Variants in MAP4K4 observed in about 807,000 individuals in gnomAD.
MAP4K4 encodes HPK/GCK-like kinase HGK.
In MAP4K4, 38 loss-of-function variants were observed where a neutral mutation model predicts 189.6. That is an observed-to-expected ratio of 0.20 (90% confidence interval 0.15 to 0.26). The LOEUF (loss-of-function observed/expected upper bound fraction) is 0.26, where lower values mean the gene tolerates loss of function less well. MAP4K4 is among the 10% of genes least tolerant of loss of function. MAP4K4 has a pLI of 1.00. For synonymous variants in MAP4K4, 610 were observed against 624.3 expected, an observed-to-expected ratio of 0.98 and a Z score of 0.34; for missense variants, 1,054 against 1,726.9, an observed-to-expected ratio of 0.61 and a Z score of 6.91.
chr2:101,762,812 C>T (rs1003710860), intron 2 of MAP4K4, among the ~76,000 whole-genome samples: 3 of 152,156 alleles, frequency 2.0e-5, no homozygotes, highest in Non-Finnish European at 4.4e-5. Context: ...TTGGCTCTCC[C>T]TGTGTGGGTG....
At chr2:101,815,809 A>G (rs1051192933) in intron 3 of MAP4K4, among the ~76,000 whole-genome samples, 3 of 152,140 alleles carry the variant, frequency 2.0e-5, no homozygotes, top group Non-Finnish European at 4.4e-5. Flanking sequence ...AATCTAGCCA[A>G]CGGCAGGAGG....
chr2:101,870,192 T>A, intron 22 of MAP4K4, 103 bp from the exon 23 acceptor site: 1 of 1,186,148 alleles, frequency 8.4e-7, no homozygotes, highest in Non-Finnish European at 1.2e-6. Context: ...TTTATATCGG[T>A]AGCCTCATCT....
intron 2 of MAP4K4, among the ~76,000 whole-genome samples, chr2:101,751,787 G>A (rs920252658): frequency 6.6e-6 from 1 of 152,172 alleles, no homozygotes; most frequent in Non-Finnish European, 1.5e-5. Context: ...GGTAGACTGG[G>A]CATTCTATCT....
intron 2 of MAP4K4, among the ~76,000 whole-genome samples, chr2:101,744,225 C>G (rs555151467): frequency 6.6e-6 from 1 of 152,096 alleles, no homozygotes. Flanking sequence ...AAAAGAGAGG[C>G]GAAATTAATT....
chr2:101,811,386 A>AAAAAAAAAAAGG (rs1559031931), intron 3 of MAP4K4, among the ~76,000 whole-genome samples: 1 of 140,754 alleles, frequency 7.1e-6, no homozygotes, highest in African/African-American at 3.1e-5. Context: ...AAAAAAAAAA[A>AAAAAAAAAAAGG]AAAAAGAATG....
chr2:101,797,888 A>ATTTTTTTTTTTTTTTTTTTTT (rs1558971586), intron 3 of MAP4K4, among the ~76,000 whole-genome samples: 2 of 7,624 alleles, frequency 2.6e-4, no homozygotes, highest in African/African-American at 7.1e-4. Context: ...ACATTCTTTT[A>ATTTTTTTTTTTTTTTTTTTTT]GTTTTTTTTT....
chr2:101,894,286 A>G (rs1469197036), exon 33 of MAP4K4: 1 of 152,768 alleles, frequency 6.5e-6, no homozygotes, highest in African/African-American at 2.4e-5. Flanking sequence ...CACAAGTAAT[A>G]ACCTTTCTGT....
chr2:101,759,826 C>T (rs1470165434), intron 2 of MAP4K4, among the ~76,000 whole-genome samples: 3 of 139,296 alleles, frequency 2.2e-5, no homozygotes, highest in Non-Finnish European at 4.6e-5. Flanking sequence ...CATCCCCCTT[C>T]CCTTCCCTTT....
chr2:101,851,954 C>T (rs1310918838), intron 12 of MAP4K4, among the ~76,000 whole-genome samples: 2 of 151,652 alleles, frequency 1.3e-5, no homozygotes, highest in Non-Finnish European at 2.9e-5. Context: ...ATAAGTATTT[C>T]TCAAATAGAT....
intron 3 of MAP4K4, among the ~76,000 whole-genome samples, chr2:101,800,782 A>G (rs1460421707): frequency 1.3e-5 from 2 of 152,172 alleles, no homozygotes; most frequent in Non-Finnish European, 2.9e-5. Context: ...CACTATTCTC[A>G]GCTCTGGGGT....
chr2:101,853,077 G>C (rs972023469), intron 12 of MAP4K4, among the ~76,000 whole-genome samples: 1 of 152,158 alleles, frequency 6.6e-6, no homozygotes, highest in African/African-American at 2.4e-5. Context: ...TAACTGATCA[G>C]CCCAAAGGAA....
intron 2 of MAP4K4, among the ~76,000 whole-genome samples, chr2:101,789,433 A>G (rs1025646407): frequency 6.6e-6 from 1 of 152,192 alleles, no homozygotes; most frequent in African/African-American, 2.4e-5. Context: ...CAGAAGCCCT[A>G]TGAAGTGGGC....
intron 2 of MAP4K4, among the ~76,000 whole-genome samples, chr2:101,767,681 G>A (rs2079211402): frequency 6.6e-6 from 1 of 152,204 alleles, no homozygotes; most frequent in Non-Finnish European, 1.5e-5. Flanking sequence ...TCCTCAGCAG[G>A]CAGAGTTCAT....
chr2:101,887,374 G>T (rs1476179814), intron 30 of MAP4K4, 137 bp downstream of exon 30: 7 of 828,094 alleles, frequency 8.5e-6, no homozygotes, highest in Admixed American at 6.8e-5. Flanking sequence ...TAAATGATAC[G>T]CAATTTTCAA....
chr2:101,781,705 C>T lies in MAP4K4; in HGVS notation c.124-9015C>T, dbSNP rs2087590705. Among the ~76,000 whole-genome samples, 4 of 152,288 alleles carry T rather than the reference C, an allele frequency of 2.6e-5. No homozygotes were observed. The South Asian group carries it at 6.2e-4, about 24-fold the overall frequency. The stretch of plus-strand genomic sequence containing the variant: ...TGCATTGGTAATCAAGTTTTCAACA[C>T]GTGAACTTTGGGGACATTCAAACCA... On this transcript the variant is annotated intron_variant, in intron 2 of 32. Coordinates refer to ENST00000324219, the Ensembl canonical transcript of MAP4K4.
intron 24 of MAP4K4, among the ~76,000 whole-genome samples, chr2:101,872,202 A>G (rs1399670182): frequency 1.3e-5 from 2 of 148,712 alleles, no homozygotes; most frequent in East Asian, 3.9e-4. Flanking sequence ...TTGGCTGATT[A>G]CTCTTACTTG....
chr2:101,704,563 ATATATTTTTTTTTTT>A (rs2041071885), intron 2 of MAP4K4, among the ~76,000 whole-genome samples: 1 of 47,222 alleles, frequency 2.1e-5, no homozygotes, highest in Non-Finnish European at 3.2e-5. Flanking sequence ...ATATATATAT[ATATATTTTTTTTTTT>A]TTTTTTTTTT....
At chr2:101,816,658 A>G (rs2095739312) in intron 3 of MAP4K4, among the ~76,000 whole-genome samples, 1 of 152,166 alleles carries the variant, frequency 6.6e-6, no homozygotes, top group South Asian at 2.1e-4. Context: ...TGCTCCGGGA[A>G]TGACTTAAGT....
At chr2:101,804,068 C>G (rs2094651096) in intron 3 of MAP4K4, among the ~76,000 whole-genome samples, 2 of 152,242 alleles carry the variant, frequency 1.3e-5, no homozygotes, top group Admixed American at 6.5e-5. Flanking sequence ...GGCAGAAAAT[C>G]CCCTTAGAAA....
Sources: gnomAD v4.1 joint callset for allele counts (sites outside exome capture counted in the v4.1 genomes callset) on GRCh38, gnomAD v4.1.1 for gene constraint, MANE v1.5 for transcripts, NCBI Gene and HGNC (gene_info 2026-07-23, HGNC 2026-07-21) for gene names.